The following RARB variants were observed in gnomAD, a reference collection of about 807,000 sequenced individuals.
RARB encodes retinoic acid receptor beta, also known as HBV-activated protein.
A neutral mutation model predicts 51.9 loss-of-function variants in RARB; 17 were observed. The observed-to-expected ratio is 0.33, with a 90% CI of 0.22 to 0.49. The LOEUF (loss-of-function observed/expected upper bound fraction) is 0.49. Ranked by LOEUF, RARB falls within the 20% of genes least tolerant of loss-of-function variation. The probability of loss-of-function intolerance (pLI) is 0.99; values close to 1 mark genes in which losing one functional copy is unlikely to be tolerated. For missense variants in RARB, 369 were observed against 550.8 expected, an observed-to-expected ratio of 0.67 and a Z score of 3.30; for synonymous variants, 215 against 195.4, an observed-to-expected ratio of 1.10 and a Z score of -0.84.
At chr3:25,583,633 G>T (rs1364102711) in intron 5 of RARB, among the ~76,000 whole-genome samples, 1 of 152,200 alleles carries the variant, frequency 6.6e-6, no homozygotes, top group Non-Finnish European at 1.5e-5. Flanking sequence ...AGGCAGATGG[G>T]GATGGAAGGC....
chr3:25,157,695 C>T (rs1700402396), intron 4 of RARB, among the ~76,000 whole-genome samples: 1 of 152,168 alleles, frequency 6.6e-6, no homozygotes, highest in Non-Finnish European at 1.5e-5. Flanking sequence ...CCATGCCCAG[C>T]CCTAAGTATC....
At chr3:25,366,621 A>G (rs1015001773) in intron 5 of RARB, among the ~76,000 whole-genome samples, 3 of 152,210 alleles carry the variant, frequency 2.0e-5, no homozygotes, top group Admixed American at 6.5e-5. Flanking sequence ...TTTTTAGCTC[A>G]TGGTTCCTAA....
intron 5 of RARB, among the ~76,000 whole-genome samples, chr3:25,182,588 T>C (rs573848723): frequency 1.3e-5 from 2 of 152,296 alleles, no homozygotes; most frequent in South Asian, 2.1e-4. Context: ...TTGTGTTAGG[T>C]ATTGTGTCAG....
At chr3:25,196,641 G>A (rs991118965) in intron 5 of RARB, among the ~76,000 whole-genome samples, 12 of 152,054 alleles carry the variant, frequency 7.9e-5, no homozygotes, top group East Asian at 5.8e-4. Flanking sequence ...TTGAGGAATC[G>A]CCACACTGTC....
chr3:25,073,960 A>G (rs1698820971), intron 3 of RARB, among the ~76,000 whole-genome samples: 1 of 152,208 alleles, frequency 6.6e-6, no homozygotes, highest in East Asian at 1.9e-4. Flanking sequence ...TTATCCATCT[A>G]TAAAATAGTC....
intron 2 of RARB, among the ~76,000 whole-genome samples, chr3:25,049,673 A>C (rs1369274134): frequency 6.6e-6 from 1 of 152,246 alleles, no homozygotes; most frequent in Non-Finnish European, 1.5e-5. Context: ...AAGAGAATAC[A>C]TGAAAAAATA....
chr3:24,886,045 A>G (rs1703259837), intron 2 of RARB, among the ~76,000 whole-genome samples: 1 of 152,142 alleles, frequency 6.6e-6, no homozygotes, highest in Non-Finnish European at 1.5e-5. Context: ...CAGCCCATAT[A>G]CTAGGGTTCT....
chr3:25,305,186 C>T (rs1344913606), intron 5 of RARB, among the ~76,000 whole-genome samples: 1 of 152,038 alleles, frequency 6.6e-6, no homozygotes, highest in Non-Finnish European at 1.5e-5. Flanking sequence ...ATTTAAAACA[C>T]TTCAGTAAGG....
At chr3:25,320,866 C>T (rs1346018805) in intron 5 of RARB, among the ~76,000 whole-genome samples, 1 of 152,164 alleles carries the variant, frequency 6.6e-6, no homozygotes, top group Non-Finnish European at 1.5e-5. Flanking sequence ...CCAGGCAAAG[C>T]CTCAATGTTC....
chr3:24,889,501 A>C (rs1054418609), intron 2 of RARB, among the ~76,000 whole-genome samples: 1 of 152,182 alleles, frequency 6.6e-6, no homozygotes. Flanking sequence ...TTATTTCCAA[A>C]GAAATTTTTA....
chr3:25,377,155 T>C (rs4681053), intron 5 of RARB, among the ~76,000 whole-genome samples: 116,451 of 151,742 alleles, frequency 0.77, 45,108 homozygotes, highest in East Asian at 0.99. Flanking sequence ...AATAGTAAAT[T>C]GTGTTAATAA....
intron 5 of RARB, among the ~76,000 whole-genome samples, chr3:25,246,888 A>G (rs1702575712): frequency 1.3e-5 from 2 of 152,202 alleles, no homozygotes; most frequent in African/African-American, 4.8e-5. Context: ...GCCAGCAAGC[A>G]GAAACGTTTA....
intron 1 of RARB, among the ~76,000 whole-genome samples, chr3:24,853,354 T>C (rs1297380149): frequency 1.3e-5 from 2 of 152,116 alleles, no homozygotes; most frequent in Non-Finnish European, 2.9e-5. Context: ...ACTGTATCTT[T>C]ATAGATTTTG....
At chr3:25,022,828 A>G (rs1174369760) in intron 2 of RARB, among the ~76,000 whole-genome samples, 1 of 152,168 alleles carries the variant, frequency 6.6e-6, no homozygotes, top group African/African-American at 2.4e-5. Flanking sequence ...GAGCTGGTGA[A>G]GGGAGCTAGG....
intron 2 of RARB, among the ~76,000 whole-genome samples, chr3:24,873,489 C>G (rs894970863): frequency 6.6e-6 from 1 of 151,754 alleles, no homozygotes; most frequent in African/African-American, 2.4e-5. Context: ...CTTAGTTATT[C>G]TTGACAGAGA....
chr3:25,043,480 AT>A (rs977434329), intron 2 of RARB, among the ~76,000 whole-genome samples: 14 of 152,214 alleles, frequency 9.2e-5, no homozygotes, highest in African/African-American at 2.9e-4. Context: ...TATTTCTTTT[AT>A]TTTAAACCTC....
chr3:24,836,320 C>A (rs191282730), intron 1 of RARB, among the ~76,000 whole-genome samples: 35 of 152,276 alleles, frequency 2.3e-4, no homozygotes, highest in African/African-American at 7.7e-4. Context: ...GGACAGCTGG[C>A]AATCAGTGCT....
intron 2 of RARB, among the ~76,000 whole-genome samples, chr3:24,906,140 G>A (rs1279332803): frequency 1.3e-5 from 2 of 152,160 alleles, no homozygotes; most frequent in African/African-American, 4.8e-5. Context: ...AGGCAGGGTG[G>A]GTTTCACAAA....
chr3:24,921,656 C>G (rs539882046), intron 2 of RARB, among the ~76,000 whole-genome samples: 3 of 152,194 alleles, frequency 2.0e-5, no homozygotes, highest in East Asian at 3.9e-4. Context: ...ACTCTCTTCC[C>G]GCATAGTCTA....
Sources: gnomAD v4.1 joint callset for allele counts (sites outside exome capture counted in the v4.1 genomes callset) on GRCh38, gnomAD v4.1.1 for gene constraint, MANE v1.5 for transcripts, NCBI Gene and HGNC (gene_info 2026-07-23, HGNC 2026-07-21) for gene names.